Variants in NBPF8 observed in about 807,000 individuals in gnomAD.
NBPF8 encodes the protein NBPF family member NBPF8.
chr1:120,450,344 C>A (rs753014100), intron 11 of NBPF8, among the ~76,000 whole-genome samples: 2 of 151,328 alleles, frequency 1.3e-5, no homozygotes, highest in Admixed American at 6.6e-5. Flanking sequence ...AAGAAAGATC[C>A]CACCCGAGAA....
At chr1:120,419,402 G>T (rs1229239358), upstream of NBPF8, among the ~76,000 whole-genome samples, 10 of 152,164 alleles carry the variant, frequency 6.6e-5, no homozygotes, top group Admixed American at 2.6e-4. Context: ...CTAACAGAAA[G>T]AATCGAATTC....
At chr1:120,434,570 T>C (rs1415925221), upstream of NBPF8, among the ~76,000 whole-genome samples, 3 of 151,102 alleles carry the variant, frequency 2.0e-5, no homozygotes, top group African/African-American at 4.9e-5. Flanking sequence ...AGTGTTCTCA[T>C]TGTTCAGTTC....
chr1:120,433,048 A>G (rs1660929545), upstream of NBPF8: 1 of 152,184 alleles, frequency 6.6e-6, no homozygotes, highest in African/African-American at 2.4e-5. Flanking sequence ...AAGGCCCCTA[A>G]AAGCAATTGG....
intron 1 of NBPF8, among the ~76,000 whole-genome samples, chr1:120,421,530 TCCTCCTTCCTTCCCTC>T (rs1660577799): frequency 6.9e-6 from 1 of 145,002 alleles, no homozygotes; most frequent in Non-Finnish European, 1.5e-5. Context: ...CTTCCTCCCT[TCCTCCTTCCTTCCCTC>T]CCTCCATTCT....
chr1:120,436,043 C>T (rs1661064399), upstream of NBPF8, among the ~76,000 whole-genome samples: 2 of 151,982 alleles, frequency 1.3e-5, no homozygotes, highest in East Asian at 1.9e-4. Flanking sequence ...GGGAAAGACA[C>T]GGGTCTGTGG....
At chr1:120,452,486 G>T (rs1661309200) in intron 13 of NBPF8, among the ~76,000 whole-genome samples, 155 bp downstream of exon 11, 1 of 151,822 alleles carries the variant, frequency 6.6e-6, no homozygotes, top group Non-Finnish European at 1.5e-5. Context: ...TAAGAACGGA[G>T]ATGGGAAACC....
chr1:120,415,788 G>T (rs1660419963), upstream of NBPF8, among the ~76,000 whole-genome samples: 1 of 152,200 alleles, frequency 6.6e-6, no homozygotes, highest in Non-Finnish European at 1.5e-5. Context: ...CTCATGACTA[G>T]CGGGGCAGGC....
exon 12 of NBPF8, chr1:120,451,210 C>A: frequency 6.3e-7 from 1 of 1,575,512 alleles, no homozygotes; most frequent in Non-Finnish European, 8.6e-7. Context: ...CTCATAAAAT[C>A]TATGCTGAGG....
At chr1:120,415,557 CG>C (rs1660410647), upstream of NBPF8, among the ~76,000 whole-genome samples, 2 of 152,126 alleles carry the variant, frequency 1.3e-5, no homozygotes, top group South Asian at 4.1e-4. Context: ...CGAGCAGCTT[CG>C]GGGGCACGTC....
upstream of NBPF8, among the ~76,000 whole-genome samples, chr1:120,434,360 T>C (rs1661008182): frequency 6.8e-6 from 1 of 147,716 alleles, no homozygotes; most frequent in Non-Finnish European, 1.5e-5. Flanking sequence ...ATATATTATA[T>C]ATACGTGTAT....
intron 15 of NBPF8, 125 bp downstream of exon 13, chr1:120,454,239 C>G (rs2101683131): frequency 6.5e-7 from 1 of 1,546,652 alleles, no homozygotes; most frequent in East Asian, 2.3e-5. Context: ...AAACAGATAT[C>G]AGGGAGTTTT....
chr1:120,421,260 A>G (rs1181309642), intron 1 of NBPF8, among the ~76,000 whole-genome samples: 4 of 152,210 alleles, frequency 2.6e-5, no homozygotes, highest in African/African-American at 9.7e-5. Context: ...GTCTGTCTCC[A>G]ATAACTAGTT....
At chr1:120,460,381 C>A (rs1383776498) in intron 17 of NBPF8, among the ~76,000 whole-genome samples, 192 bp from the exon 16 acceptor site, 79 of 152,254 alleles carry the variant, frequency 5.2e-4, no homozygotes, top group Admixed American at 4.4e-3. Flanking sequence ...GAATTTTGCC[C>A]AAGGCTCATG....
At chr1:120,433,973 G>C (rs1394799051), upstream of NBPF8, 2 of 166,502 alleles carry the variant, frequency 1.2e-5, no homozygotes, top group African/African-American at 4.8e-5. Flanking sequence ...TCCCTGGGAC[G>C]GCGGCCCAGA....
At chr1:120,435,814 C>T (rs1264104985), upstream of NBPF8, among the ~76,000 whole-genome samples, 1 of 151,480 alleles carries the variant, frequency 6.6e-6, no homozygotes, top group African/African-American at 2.4e-5. Flanking sequence ...TGCAGTGAGC[C>T]TAGATCGCGT....
upstream of NBPF8, among the ~76,000 whole-genome samples, chr1:120,416,202 G>A (rs1406934119): frequency 4.0e-5 from 6 of 148,350 alleles, no homozygotes; most frequent in African/African-American, 1.5e-4. Flanking sequence ...CAGTGAACCA[G>A]AAGCTCTTTT....
At chr1:120,415,124 G>A (rs1177961289), upstream of NBPF8, among the ~76,000 whole-genome samples, 1 of 152,132 alleles carries the variant, frequency 6.6e-6, no homozygotes, top group Non-Finnish European at 1.5e-5. Context: ...GGTGAGGGTC[G>A]CGAGGCTGCG....
intron 3 of NBPF8, among the ~76,000 whole-genome samples, chr1:120,428,239 A>G (rs1476128400): frequency 5.3e-5 from 8 of 152,234 alleles, no homozygotes; most frequent in Admixed American, 5.2e-4. Context: ...TTGTGAGTGC[A>G]GCAACCCAAG....
At chr1:120,468,336 G>A (rs1661806138), downstream of NBPF8, among the ~76,000 whole-genome samples, 1 of 151,728 alleles carries the variant, frequency 6.6e-6, no homozygotes, top group African/African-American at 2.4e-5. Context: ...CACTTGCTGA[G>A]TGGTACTCAT....
Sources: gnomAD v4.1 joint callset for allele counts (sites outside exome capture counted in the v4.1 genomes callset) on GRCh38, gnomAD v4.1.1 for gene constraint, MANE v1.5 for transcripts, NCBI Gene and HGNC (gene_info 2026-07-23, HGNC 2026-07-21) for gene names.